Variants in ASIC2 observed in about 807,000 individuals in gnomAD.
The protein encoded by ASIC2 is acid sensing ion channel subunit 2.
Under a neutral mutation model 57.3 loss-of-function variants are expected in ASIC2, and 25 were observed. The ratio of observed to expected loss-of-function variants is 0.44; its 90% CI spans 0.32 to 0.61. The LOEUF (loss-of-function observed/expected upper bound fraction) is 0.61. Among genes scored for constraint, ASIC2 ranks in the 20% least tolerant of loss-of-function variants. The probability of loss-of-function intolerance (pLI) is 0.06; values close to 1 mark genes in which losing one functional copy is unlikely to be tolerated. For synonymous variants in ASIC2, 319 were observed against 307.5 expected, an observed-to-expected ratio of 1.04 and a Z score of -0.39; for missense variants, 641 against 738.1, an observed-to-expected ratio of 0.87 and a Z score of 1.52.
In ASIC2 at chr17:33,332,355, A is replaced by G. The variant is rs539062866; in HGVS notation, c.556-220288T>C. On this transcript the variant is annotated intron_variant, in intron 1 of 9. Coordinates refer to the ASIC2 transcript ENST00000359872. ...TAAAACATGTTTTATCTAACCCAAT[A>G]TAGACAAAATAATAACATTTCAACG... 1.1e-4 allele frequency among the ~76,000 whole-genome samples: 17 copies of G among 152,372 alleles called. No individual in the cohort carries two copies. The South Asian group carries it at 3.5e-3, about 32-fold the overall frequency.
chr17:33,896,355 G>T (rs1915096034), intron 1 of ASIC2, among the ~76,000 whole-genome samples: 1 of 152,236 alleles, frequency 6.6e-6, no homozygotes, highest in African/African-American at 2.4e-5. Context: ...GTTTCCCACT[G>T]GTTCAACCTG....
intron 1 of ASIC2, among the ~76,000 whole-genome samples, chr17:33,860,533 C>G (rs1242691294): frequency 2.0e-5 from 3 of 152,150 alleles, no homozygotes; most frequent in African/African-American, 7.2e-5. Context: ...CTTTTCCATG[C>G]TTTACACAAC....
chr17:33,484,636 C>T (rs1370471502), intron 1 of ASIC2, among the ~76,000 whole-genome samples: 3 of 152,180 alleles, frequency 2.0e-5, no homozygotes, highest in Admixed American at 6.5e-5. Flanking sequence ...TACAATACAT[C>T]TCAGCTCAGA....
chr17:33,874,592 A>G (rs371435), intron 1 of ASIC2, among the ~76,000 whole-genome samples: 41,397 of 152,096 alleles, frequency 0.27, 5,841 homozygotes, highest in Middle Eastern at 0.37. Context: ...CCAGATCAGA[A>G]AGATGCAACT....
chr17:33,479,871 G>A (rs139203553), intron 1 of ASIC2, among the ~76,000 whole-genome samples: 5 of 152,140 alleles, frequency 3.3e-5, no homozygotes, highest in East Asian at 1.9e-4. Flanking sequence ...GTGTGCTCCC[G>A]GAACCCTGGT....
At chr17:33,337,123 G>A (rs182806063) in intron 1 of ASIC2, among the ~76,000 whole-genome samples, 15 of 152,260 alleles carry the variant, frequency 9.9e-5, no homozygotes, top group Admixed American at 3.9e-4. Context: ...GTGGCCCCAG[G>A]GTGCCTGCTT....
intron 1 of ASIC2, among the ~76,000 whole-genome samples, chr17:34,007,592 C>T (rs1253533788): frequency 6.6e-6 from 1 of 152,176 alleles, no homozygotes; most frequent in East Asian, 1.9e-4. Context: ...AAATGACTTG[C>T]CTGATATCAC....
At chr17:33,412,703 G>C (rs1910707140) in intron 1 of ASIC2, among the ~76,000 whole-genome samples, 1 of 152,200 alleles carries the variant, frequency 6.6e-6, no homozygotes, top group Non-Finnish European at 1.5e-5. Context: ...ATAGAGGAAG[G>C]CTGCCTGGAT....
chr17:33,251,900 C>A (rs1908898117), intron 1 of ASIC2, among the ~76,000 whole-genome samples: 1 of 152,156 alleles, frequency 6.6e-6, no homozygotes. Flanking sequence ...TAAGAATGAT[C>A]CCTTGTATTG....
At chr17:33,511,692 T>C (rs1313183622) in intron 1 of ASIC2, among the ~76,000 whole-genome samples, 1 of 152,194 alleles carries the variant, frequency 6.6e-6, no homozygotes, top group African/African-American at 2.4e-5. Flanking sequence ...TTATTCATAC[T>C]CACTCTACTA....
intron 1 of ASIC2, among the ~76,000 whole-genome samples, chr17:33,413,849 G>A (rs1410137789): frequency 6.6e-6 from 1 of 152,196 alleles, no homozygotes; most frequent in African/African-American, 2.4e-5. Context: ...TTCTGGCACT[G>A]GCCCGGGTTA....
upstream of ASIC2, among the ~76,000 whole-genome samples, chr17:33,297,958 T>A: frequency 2.8e-5 from 1 of 35,182 alleles, no homozygotes. Flanking sequence ...TTCTCTGCCT[T>A]TTTTTTTTTT....
At chr17:33,079,129 T>A (rs980448429) in intron 3 of ASIC2, among the ~76,000 whole-genome samples, 1 of 152,180 alleles carries the variant, frequency 6.6e-6, no homozygotes, top group African/African-American at 2.4e-5. Context: ...TTTCATCCAA[T>A]GCAATTTATT....
chr17:33,475,008 G>GT (rs1470078885), intron 1 of ASIC2, among the ~76,000 whole-genome samples: 4 of 152,072 alleles, frequency 2.6e-5, no homozygotes, highest in Non-Finnish European at 4.4e-5. Flanking sequence ...CTCCAGGATG[G>GT]TTTTTTGTTA....
intron 1 of ASIC2, among the ~76,000 whole-genome samples, chr17:33,115,824 G>A (rs1388046506): frequency 6.6e-6 from 1 of 152,220 alleles, no homozygotes; most frequent in Non-Finnish European, 1.5e-5. Context: ...GGCAGGAACT[G>A]TGTCTGTTTT....
chr17:33,660,855 A>G (rs1402464258), intron 1 of ASIC2, among the ~76,000 whole-genome samples: 1 of 151,974 alleles, frequency 6.6e-6, no homozygotes, highest in Admixed American at 6.6e-5. Context: ...TTGCCCTCCC[A>G]CTGCACCCAC....
At position 33,080,466 on chromosome 17, in the gene ASIC2, C is replaced by T. The variant is rs145904610; in HGVS notation, c.987+8397G>A. Among the ~76,000 whole-genome samples the T allele has an allele frequency of 7.0e-4, 106 of 152,144 alleles. 1 individual carries two copies. The highest frequency in any genetic ancestry group is 2.1e-3 in the African/African-American group (88 of 41,496). ...GAGTACTGCAGGCCCCCCTTATCCACGGGGATACGTTCCAAGACCACCAGT... is the reference window on the plus strand; with the variant it reads ...GAGTACTGCAGGCCCCCCTTATCCATGGGGATACGTTCCAAGACCACCAGT... On this transcript the variant is annotated intron_variant, in intron 3 of 9. Transcript: ENST00000225823.
intron 1 of ASIC2, chr17:33,580,112 G>A (rs997756185): frequency 6.6e-6 from 1 of 152,156 alleles, no homozygotes; most frequent in Non-Finnish European, 1.5e-5. Context: ...TTAACATCCT[G>A]AACTCCAGGG....
chr17:33,849,570 G>A (rs1913707850), intron 1 of ASIC2, among the ~76,000 whole-genome samples: 2 of 152,164 alleles, frequency 1.3e-5, no homozygotes, highest in African/African-American at 2.4e-5. Flanking sequence ...CACCAGGGAG[G>A]TGATCATGGA....
Sources: allele counts gnomAD v4.1 joint callset (sites outside exome capture counted in the v4.1 genomes callset), GRCh38; gene constraint gnomAD v4.1.1; transcripts MANE v1.5; gene names NCBI Gene and HGNC (gene_info 2026-07-23, HGNC 2026-07-21).